Variants in SARS1 observed in about 807,000 individuals in gnomAD.
SARS1 encodes seryl-tRNA synthetase 1.
SARS1 carries 25 observed loss-of-function variants against 63.7 expected under a neutral mutation model. The ratio of observed to expected loss-of-function variants is 0.39; its 90% CI spans 0.29 to 0.55. The LOEUF (loss-of-function observed/expected upper bound fraction) is 0.55, where lower values mean the gene tolerates loss of function less well. SARS1 is among the 20% of genes least tolerant of loss of function. SARS1 has a pLI of 0.62. For missense variants in SARS1, 417 were observed against 649.7 expected (o/e 0.64, Z 3.89); for synonymous variants, 231 against 243.5 (o/e 0.95, Z 0.48).
At position 109,235,476 on chromosome 1, in the gene SARS1, C is replaced by A; in HGVS notation, c.969+45C>A. 6.7e-7 allele frequency: 1 copy of A among 1,486,576 alleles called. No homozygotes were observed. The allele number at this position is 1,486,576 out of a possible 1,614,324, so 92.1% of individuals were successfully genotyped here. A position where few individuals can be genotyped will look rare whatever the true frequency, so the allele number is the denominator to read the frequency against. On this transcript the variant is annotated intron_variant, in intron 7 of 10. Transcript: ENST00000234677. This position sits in a 1 kb window ranked among gnomAD's most constrained non-coding sequence, Gnocchi z 4.7. ...TAAGGAGTGGAACTTTCTCTGTCTC[C>A]AGAATGGTTAGATGAGAGATAGGAT...
intron 2 of SARS1, among the ~76,000 whole-genome samples, chr1:109,224,295 G>T (rs952820190): frequency 6.6e-6 from 1 of 152,134 alleles, no homozygotes; most frequent in African/African-American, 2.4e-5. Flanking sequence ...GCTGTTTGTT[G>T]TCTATTCTGT....
In SARS1 at chr1:109,230,967, C is replaced by A. The variant is rs1207703089; in HGVS notation, c.537C>A (p.Gly179=). The stretch of plus-strand genomic sequence containing the variant: ...TGGACCTGGTGGTGATGGTAGATGG[C>A]TTTGAAGGCGAAAAGGGGGCCGTGG... The part of the protein sequence containing the change: ...SHVDLVVMVD[G]FEGEKGAVVA... The change falls in exon 5 of 11, where the codon GGC becomes GGA. Residue 179 remains glycine (G), a synonymous_variant. Transcript: ENST00000234677. 1.9e-6 allele frequency: 3 copies of A among 1,568,412 alleles called. No individual in the cohort carries two copies. The highest frequency in any genetic ancestry group is 2.4e-5 in the South Asian group (2 of 83,902).
In SARS1 at chr1:109,214,218, C is replaced by T. The variant is rs1557712739; in HGVS notation, c.136+90C>T. The T allele has an allele frequency of 6.9e-7, 1 of 1,452,690 alleles. No homozygotes were observed. 90.0% of individuals were successfully genotyped at this position (1,452,690 alleles called of 1,614,324 possible). A position where few individuals can be genotyped will look rare whatever the true frequency, so the allele number is the denominator to read the frequency against. ...CCACCGCTCCTGAGGCCACAGCTTC[C>T]ACCCTTCGTCAGACCCCCTCCCAGG... On this transcript the variant is annotated intron_variant, in intron 1 of 10. Coordinates refer to ENST00000234677, the MANE Select transcript of SARS1 (RefSeq NM_006513.4). This position sits in a 1 kb window ranked among gnomAD's most constrained non-coding sequence, Gnocchi z 4.6.
chr1:109,238,004 T>C lies in SARS1; in HGVS notation c.*116T>C. 1 of 1,170,710 alleles carries C rather than the reference T, an allele frequency of 8.5e-7. No individual in the cohort carries two copies. The highest frequency in any genetic ancestry group is 1.2e-6 in the Non-Finnish European group (1 of 820,884). 72.5% of individuals were successfully genotyped at this position (1,170,710 alleles called of 1,614,324 possible). On this transcript the variant is annotated 3_prime_UTR_variant, in exon 11 of 11. Coordinates refer to ENST00000234677, the MANE Select transcript of SARS1 (RefSeq NM_006513.4). ...ATCCCCCTGCCCCCATCTGACTGCG[T>C]AGCTGAGAGGGGAACAGTGCCATGT... is the stretch of plus-strand genomic sequence containing the variant.
rs1286406430 is a variant in SARS1 at position 109,214,598 on chromosome 1, T to A, written c.136+470T>A. 9 of 985,876 alleles carry A rather than the reference T, an allele frequency of 9.1e-6. No individual in the cohort carries two copies. Among genetic ancestry groups the A allele is most frequent in the Non-Finnish European group, 1.1e-5 (9 of 830,338 alleles). 61.1% of individuals were successfully genotyped at this position (985,876 alleles called of 1,614,324 possible). On this transcript the variant is annotated intron_variant, in intron 1 of 10. Coordinates refer to ENST00000234677, the MANE Select transcript of SARS1 (RefSeq NM_006513.4). This position sits in a 1 kb window ranked among gnomAD's most constrained non-coding sequence, Gnocchi z 4.6. ...TCACTTCTGCAACACAGTAGATTCA[T>A]TCCTTCGGTATCGGAAGCATTTCGG...
rs545498271 is a variant in SARS1 at position 109,227,184 on chromosome 1, G to A, written c.208-1168G>A. Among the ~76,000 whole-genome samples the A allele has an allele frequency of 3.3e-5, 5 of 151,706 alleles. No homozygotes were observed. In the South Asian group the frequency reaches 6.3e-4, roughly 19 times the overall value. On this transcript the variant is annotated intron_variant, in intron 2 of 10. Transcript: ENST00000234677. ...TAATTTTTGTATTTTTAGTAGAGAC[G>A]GGGTTTCACCATCTTGGTCAGGCTG...
At chr1:109,226,137 T>C (rs1655062447) in intron 2 of SARS1, among the ~76,000 whole-genome samples, 1 of 143,856 alleles carries the variant, frequency 7.0e-6, no homozygotes. Context: ...GCCACCACAC[T>C]CGGCTAATTT....
intron 1 of SARS1, among the ~76,000 whole-genome samples, chr1:109,217,523 T>C (rs1654819149): frequency 6.7e-6 from 1 of 149,996 alleles, no homozygotes; most frequent in African/African-American, 2.4e-5. Flanking sequence ...AACCTAGTCT[T>C]GTATACCCAA....
rs1654945949 is a variant in SARS1 at position 109,221,995 on chromosome 1, TATATATA to T, written c.137-1982_137-1976del. Among the ~76,000 whole-genome samples the T allele has an allele frequency of 2.3e-4, 6 of 26,660 alleles. 2 individuals are homozygous for T. Among genetic ancestry groups the T allele is most frequent in the Non-Finnish European group, 3.4e-4 (6 of 17,410 alleles). 17.5% of individuals were successfully genotyped at this position (26,660 alleles called of 152,430 possible). On this transcript the variant is annotated intron_variant, in intron 1 of 10. Transcript: ENST00000234677. ...GTATATATATATATATATATATATATATATATATATATATATTTTTTTTTTTTTTTTT... is the reference window on the plus strand; with the variant it reads ...GTATATATATATATATATATATATATTATATATATTTTTTTTTTTTTTTTT...
At chr1:109,231,277 G>A (rs1463489141) in intron 5 of SARS1, 4 of 264,886 alleles carry the variant, frequency 1.5e-5, no homozygotes, top group Non-Finnish European at 2.7e-5. Context: ...TTTGCTGACT[G>A]AATCAGAACA....
At chr1:109,216,696 C>T (rs1654797085) in intron 1 of SARS1, 5 of 690,226 alleles carry the variant, frequency 7.2e-6, no homozygotes, top group Non-Finnish European at 8.9e-6. Context: ...TCACAGCTCA[C>T]TGCAGCCTCA....
At chr1:109,227,323 C>T (rs542104900) in intron 2 of SARS1, among the ~76,000 whole-genome samples, 2 of 152,226 alleles carry the variant, frequency 1.3e-5, no homozygotes, top group African/African-American at 4.8e-5. Context: ...GAATTTAACT[C>T]TTTAAGTGAT....
chr1:109,214,920 C>T lies in SARS1; in HGVS notation c.136+792C>T. The T allele has an allele frequency of 2.0e-6, 2 of 985,420 alleles. No homozygotes were observed. Among genetic ancestry groups the T allele is most frequent in the South Asian group, 9.4e-5 (2 of 21,286 alleles). The allele number at this position is 985,420 out of a possible 1,614,324, so 61.0% of individuals were successfully genotyped here. Reference sequence around the variant, plus strand: ...GAATAAAACCATAGAACCATCTGCCCATAAATCTCTGCCTGTATTAACTGG... The same window carrying T: ...GAATAAAACCATAGAACCATCTGCCTATAAATCTCTGCCTGTATTAACTGG... On this transcript the variant is annotated intron_variant, in intron 1 of 10. Coordinates refer to ENST00000234677, the MANE Select transcript of SARS1 (RefSeq NM_006513.4). This position sits in a 1 kb window ranked among gnomAD's most constrained non-coding sequence, Gnocchi z 4.6.
intron 1 of SARS1, among the ~76,000 whole-genome samples, chr1:109,220,432 C>T (rs1654903887): frequency 6.6e-6 from 1 of 152,196 alleles, no homozygotes; most frequent in Non-Finnish European, 1.5e-5. Context: ...ATAGTGGTGT[C>T]TCATTGTTAT....
intron 5 of SARS1, 173 bp downstream of exon 5, chr1:109,231,194 TA>T (rs1655204179): frequency 2.8e-6 from 1 of 353,976 alleles, no homozygotes; most frequent in Admixed American, 4.9e-5. Flanking sequence ...ATTCTCTTTC[TA>T]AAGCAAGAGA....
At chr1:109,223,401 T>C (rs1475206095) in intron 1 of SARS1, among the ~76,000 whole-genome samples, 1 of 152,250 alleles carries the variant, frequency 6.6e-6, no homozygotes, top group African/African-American at 2.4e-5. Flanking sequence ...TGTTACTCTA[T>C]AATGGCTTCA....
In SARS1 at chr1:109,214,776, A is replaced by G. The variant is rs1265197839; in HGVS notation, c.136+648A>G. 3.0e-6 allele frequency: 3 copies of G among 985,382 alleles called. No homozygotes were observed. Among genetic ancestry groups the G allele is most frequent in the Non-Finnish European group, 3.6e-6 (3 of 829,966 alleles). 61.0% of individuals were successfully genotyped at this position (985,382 alleles called of 1,614,324 possible). A position where few individuals can be genotyped will look rare whatever the true frequency, so the allele number is the denominator to read the frequency against. On this transcript the variant is annotated intron_variant, in intron 1 of 10. Coordinates refer to ENST00000234677, the MANE Select transcript of SARS1 (RefSeq NM_006513.4). This position sits in a 1 kb window ranked among gnomAD's most constrained non-coding sequence, Gnocchi z 4.6. ...GTGAGGAGGCGAGCAAAAGATTGTA[A>G]TGACTGAAGCTGTTTAATTGTGATT...
At chr1:109,221,140 A>G (rs1188749662) in intron 1 of SARS1, among the ~76,000 whole-genome samples, 2 of 150,798 alleles carry the variant, frequency 1.3e-5, no homozygotes, top group Non-Finnish European at 2.9e-5. Context: ...AGCTCACTGC[A>G]ACCTCCACCT....
At chr1:109,220,087 G>C (rs1654896787) in intron 1 of SARS1, among the ~76,000 whole-genome samples, 1 of 152,156 alleles carries the variant, frequency 6.6e-6, no homozygotes, top group South Asian at 2.1e-4. Context: ...GTAATGTTAT[G>C]ATTTATGAAT....
Sources: gnomAD v4.1 joint callset for allele counts (sites outside exome capture counted in the v4.1 genomes callset) on GRCh38, gnomAD v4.1.1 for gene constraint, Gnocchi (gnomAD v3.1) non-coding constraint, MANE v1.5 for transcripts, NCBI Gene and HGNC (gene_info 2026-07-23, HGNC 2026-07-21) for gene names.